The following ANKS1B variants were observed in gnomAD, a reference collection of about 807,000 sequenced individuals.
ANKS1B encodes ankyrin repeat and sterile alpha motif domain containing 1B.
ANKS1B carries 36 observed loss-of-function variants against 148.3 expected under a neutral mutation model. The observed-to-expected ratio is 0.24, with a 90% CI of 0.19 to 0.32. The LOEUF is 0.32. Ranked by LOEUF, ANKS1B falls within the 10% of genes least tolerant of loss-of-function variation. The pLI, the probability that ANKS1B is intolerant of heterozygous loss-of-function variation, is 1.00. For synonymous variants in ANKS1B, 542 were observed against 560.8 expected, an observed-to-expected ratio of 0.97 and a Z score of 0.47; for missense variants, 1,157 against 1,542.6, an observed-to-expected ratio of 0.75 and a Z score of 4.19.
rs373739188 is a variant in ANKS1B at position 99,237,278 on chromosome 12, G to A, written c.2419+7064C>T. On this transcript the variant is annotated intron_variant, in intron 14 of 26. Coordinates refer to ENST00000683438, the MANE Select transcript of ANKS1B (RefSeq NM_001352186.2). ...ACTGTGCCTGCCTTACACTAAAATAGTCATTATACCCAGCTGTATAGGCCC... is the reference window on the plus strand; with the variant it reads ...ACTGTGCCTGCCTTACACTAAAATAATCATTATACCCAGCTGTATAGGCCC... Among the ~76,000 whole-genome samples, 13 of 152,010 alleles carry A rather than the reference G, an allele frequency of 8.6e-5. No individual in the cohort carries two copies. In the East Asian group the frequency reaches 1.2e-3, roughly 14 times the overall value.
chr12:99,363,827 A>G (rs2092619631), intron 12 of ANKS1B, among the ~76,000 whole-genome samples: 1 of 152,164 alleles, frequency 6.6e-6, no homozygotes, highest in Non-Finnish European at 1.5e-5. Context: ...ATACCAGAGC[A>G]TATCTTAGAG....
At chr12:99,078,741 A>C (rs4762219) in intron 16 of ANKS1B, among the ~76,000 whole-genome samples, 74 of 146,670 alleles carry the variant, frequency 5.0e-4, no homozygotes, top group Admixed American at 1.1e-3. Context: ...TCTAAGATGT[A>C]CCCCACCCTG....
chr12:99,733,120 G>A (rs1227056140), intron 8 of ANKS1B, among the ~76,000 whole-genome samples: 1 of 151,822 alleles, frequency 6.6e-6, no homozygotes, highest in Non-Finnish European at 1.5e-5. Context: ...TTTCCTCTTT[G>A]GGTCAGGGTA....
chr12:99,795,066 G>T (rs1836496341), intron 4 of ANKS1B, among the ~76,000 whole-genome samples: 1 of 151,702 alleles, frequency 6.6e-6, no homozygotes, highest in East Asian at 1.9e-4. Context: ...ATGAAAGATA[G>T]AATAAAATAA....
intron 17 of ANKS1B, among the ~76,000 whole-genome samples, chr12:98,848,085 T>C (rs886987271): frequency 3.9e-5 from 6 of 152,192 alleles, no homozygotes; most frequent in African/African-American, 1.2e-4. Flanking sequence ...AATCATCAAA[T>C]GGAAAAGTAA....
chr12:99,438,265 T>C (rs571398688), intron 11 of ANKS1B, among the ~76,000 whole-genome samples: 69 of 152,044 alleles, frequency 4.5e-4, no homozygotes, highest in African/African-American at 1.6e-3. Context: ...TATTAGGTAC[T>C]CCAAAAATAT....
At chr12:99,863,176 T>C (rs1363355516) in intron 1 of ANKS1B, among the ~76,000 whole-genome samples, 4 of 152,298 alleles carry the variant, frequency 2.6e-5, no homozygotes, top group Non-Finnish European at 4.4e-5. Flanking sequence ...TGTGCCTCTG[T>C]TTTTTATATC....
intron 8 of ANKS1B, among the ~76,000 whole-genome samples, chr12:99,657,865 C>G (rs2098457315): frequency 7.8e-6 from 1 of 128,596 alleles, no homozygotes; most frequent in Non-Finnish European, 1.6e-5. Context: ...TCCAATCACA[C>G]AGGGAACTTC....
At chr12:99,687,724 T>C (rs1208981491) in intron 8 of ANKS1B, among the ~76,000 whole-genome samples, 3 of 152,224 alleles carry the variant, frequency 2.0e-5, no homozygotes, top group Admixed American at 6.5e-5. Flanking sequence ...TCCCTTTATG[T>C]GCTTGAGCAT....
intron 9 of ANKS1B, among the ~76,000 whole-genome samples, chr12:99,533,030 G>C (rs1351505840): frequency 6.6e-6 from 1 of 152,104 alleles, no homozygotes; most frequent in Admixed American, 6.5e-5. Context: ...GGTTCCTTGT[G>C]AATTTTTGGA....
At chr12:99,782,398 A>C (rs1481793480) in intron 4 of ANKS1B, among the ~76,000 whole-genome samples, 1 of 152,112 alleles carries the variant, frequency 6.6e-6, no homozygotes, top group Non-Finnish European at 1.5e-5. Context: ...CGTCTCTACT[A>C]AAATACAAAA....
At chr12:99,715,312 T>C (rs1235436828) in intron 8 of ANKS1B, among the ~76,000 whole-genome samples, 1 of 152,062 alleles carries the variant, frequency 6.6e-6, no homozygotes, top group Non-Finnish European at 1.5e-5. Context: ...GTTCCTGCCT[T>C]AACTGATGAC....
intron 1 of ANKS1B, among the ~76,000 whole-genome samples, chr12:99,855,341 C>T (rs544350964): frequency 6.6e-6 from 1 of 152,066 alleles, no homozygotes; most frequent in South Asian, 2.1e-4. Context: ...GATAAAAGAA[C>T]TAGTCCAACA....
At chr12:99,503,074 C>T (rs774100480) in intron 10 of ANKS1B, among the ~76,000 whole-genome samples, 1 of 152,204 alleles carries the variant, frequency 6.6e-6, no homozygotes, top group East Asian at 1.9e-4. Flanking sequence ...ATAGCTGGGA[C>T]TACAGGCATG....
intron 1 of ANKS1B, among the ~76,000 whole-genome samples, chr12:99,949,387 GA>G (rs1433158622): frequency 6.6e-6 from 1 of 152,182 alleles, no homozygotes; most frequent in African/African-American, 2.4e-5. Flanking sequence ...ACAGAAGCAA[GA>G]AATCAGGATC....
intron 12 of ANKS1B, among the ~76,000 whole-genome samples, chr12:99,398,410 A>G (rs2094312960): frequency 6.6e-6 from 1 of 152,164 alleles, no homozygotes; most frequent in African/African-American, 2.4e-5. Context: ...TGGAATACTC[A>G]CATAGACCAC....
chr12:99,619,970 C>T (rs2098025506), intron 9 of ANKS1B, among the ~76,000 whole-genome samples: 1 of 152,116 alleles, frequency 6.6e-6, no homozygotes, highest in African/African-American at 2.4e-5. Context: ...TCACCCATTG[C>T]CTAAGACAAA....
At chr12:99,044,173 G>T (rs988608864) in intron 17 of ANKS1B, among the ~76,000 whole-genome samples, 3 of 152,106 alleles carry the variant, frequency 2.0e-5, no homozygotes, top group Non-Finnish European at 4.4e-5. Flanking sequence ...AAGCACAGAG[G>T]CAGTTTACCA....
At position 98,773,029 on chromosome 12, in the gene ANKS1B, G is replaced by A; in HGVS notation, c.3579+13C>T. 1 of 1,613,746 alleles carries A rather than the reference G, an allele frequency of 6.2e-7. No homozygotes were observed. ...CAAAGTCTTTAATCTGTTGAAAGGG[G>A]GTGGGTACTCACCACATCAAAGGCA... On this transcript the variant is annotated intron_variant, in intron 25 of 26. Coordinates refer to ENST00000683438, the MANE Select transcript of ANKS1B (RefSeq NM_001352186.2).
Sources: allele counts gnomAD v4.1 joint callset (sites outside exome capture counted in the v4.1 genomes callset), GRCh38; gene constraint gnomAD v4.1.1; transcripts MANE v1.5; gene names NCBI Gene and HGNC (gene_info 2026-07-23, HGNC 2026-07-21).